The following SYNPR variants were observed in gnomAD, a reference collection of about 807,000 sequenced individuals.
SYNPR encodes the protein synaptoporin.
SYNPR carries 23 observed loss-of-function variants against 32.9 expected under a neutral mutation model. The ratio of observed to expected loss-of-function variants is 0.70; its 90% confidence interval spans 0.50 to 0.99. SYNPR has a LOEUF of 0.99. Ranked by LOEUF, SYNPR falls within the 50% of genes least tolerant of loss-of-function variation. The pLI, the probability that SYNPR is intolerant of heterozygous loss-of-function variation, is 0.00. For synonymous variants in SYNPR, 146 were observed against 135.9 expected, an observed-to-expected ratio of 1.07 and a Z score of -0.52; for missense variants, 318 against 349.3, an observed-to-expected ratio of 0.91 and a Z score of 0.71.
rs1303623160 is a variant in SYNPR at position 63,508,742 on chromosome 3, AC to A, written c.209+27787del. Among the ~76,000 whole-genome samples, 5 of 152,202 alleles carry A rather than the reference AC, an allele frequency of 3.3e-5. No individual in the cohort carries two copies. The East Asian group carries it at 9.7e-4, about 29-fold the overall frequency. ...CATTCTGATTGGTCCAACCTGAACC[AC>A]TAATCAAAAAAGTACAAATTAAAGG... On this transcript the variant is annotated intron_variant, in intron 3 of 5. Transcript: ENST00000478300.
At chr3:63,462,426 T>C (rs904223162) in intron 2 of SYNPR, among the ~76,000 whole-genome samples, 5 of 152,192 alleles carry the variant, frequency 3.3e-5, no homozygotes, top group Non-Finnish European at 7.3e-5. Flanking sequence ...TGAAAAGATG[T>C]TCATTTTTTA....
chr3:63,396,455 C>A (rs2088213959), intron 2 of SYNPR, among the ~76,000 whole-genome samples: 1 of 152,186 alleles, frequency 6.6e-6, no homozygotes, highest in Non-Finnish European at 1.5e-5. Flanking sequence ...CCCAAGACAT[C>A]CTAAATCAGT....
chr3:63,276,324 A>T (rs2086573570), upstream of SYNPR, among the ~76,000 whole-genome samples: 1 of 152,136 alleles, frequency 6.6e-6, no homozygotes, highest in African/African-American at 2.4e-5. Flanking sequence ...GCAGCAGGAC[A>T]TTGCTACAAT....
intron 3 of SYNPR, among the ~76,000 whole-genome samples, chr3:63,543,984 G>A (rs911393819): frequency 5.9e-5 from 9 of 152,058 alleles, no homozygotes; most frequent in African/African-American, 2.2e-4. Context: ...GGTAGCAAAG[G>A]AGTGGCCATG....
At chr3:63,276,620 T>TCCCCCCCCCCCCC (rs11398109), upstream of SYNPR, among the ~76,000 whole-genome samples, 2 of 142,036 alleles carry the variant, frequency 1.4e-5, no homozygotes, top group Admixed American at 7.3e-5. Context: ...TAGTGTTAGT[T>TCCCCCCCCCCCCC]CCCCCCACCC....
chr3:63,441,974 G>T, intron 2 of SYNPR, among the ~76,000 whole-genome samples: 1 of 152,282 alleles, frequency 6.6e-6, no homozygotes, highest in South Asian at 2.1e-4. Context: ...AGGCTCAGGC[G>T]CAGGCCACAT....
chr3:63,385,973 A>C (rs886550155), intron 2 of SYNPR, among the ~76,000 whole-genome samples: 1 of 152,216 alleles, frequency 6.6e-6, no homozygotes, highest in Admixed American at 6.5e-5. Flanking sequence ...ACCTTGCTAG[A>C]AAAGTGTTGA....
intron 3 of SYNPR, among the ~76,000 whole-genome samples, chr3:63,531,613 A>C (rs1003836930): frequency 6.6e-6 from 1 of 152,220 alleles, no homozygotes; most frequent in African/African-American, 2.4e-5. Context: ...CTAGACTTCA[A>C]CAAAAGCTTT....
At chr3:63,241,578 GAATA>G (rs935656729) in intron 1 of SYNPR, among the ~76,000 whole-genome samples, 5 of 151,946 alleles carry the variant, frequency 3.3e-5, no homozygotes, top group African/African-American at 1.2e-4. Flanking sequence ...GAGACCTAAA[GAATA>G]AATAAACTAT....
chr3:63,448,308 A>T (rs1001222654), intron 2 of SYNPR, among the ~76,000 whole-genome samples: 2 of 152,198 alleles, frequency 1.3e-5, no homozygotes, highest in Non-Finnish European at 2.9e-5. Flanking sequence ...CCAACCTTAC[A>T]CAATCTTTAA....
intron 1 of SYNPR, among the ~76,000 whole-genome samples, chr3:63,230,971 C>G (rs1489528818): frequency 6.6e-6 from 1 of 152,050 alleles, no homozygotes; most frequent in Non-Finnish European, 1.5e-5. Context: ...ATAGTTTCCC[C>G]TTAAAAAGAG....
intron 2 of SYNPR, among the ~76,000 whole-genome samples, chr3:63,339,656 T>C (rs936514938): frequency 6.8e-6 from 1 of 147,958 alleles, no homozygotes; most frequent in Non-Finnish European, 1.5e-5. Flanking sequence ...AAAAATTCCT[T>C]GTGTTCTTTT....
At chr3:63,595,869 A>G (rs1421060454) in intron 4 of SYNPR, among the ~76,000 whole-genome samples, 1 of 94,666 alleles carries the variant, frequency 1.1e-5, no homozygotes, top group Non-Finnish European at 2.1e-5. Flanking sequence ...AGTTATATAT[A>G]TATAATTTTA....
chr3:63,205,408 AC>A, the SYNPR span, among the ~76,000 whole-genome samples: 1 of 152,182 alleles, frequency 6.6e-6, no homozygotes, highest in African/African-American at 2.4e-5. Context: ...CACCAATTCT[AC>A]CTTTTCATGT....
chr3:63,341,144 G>A (rs2087364360), intron 2 of SYNPR, among the ~76,000 whole-genome samples: 1 of 152,148 alleles, frequency 6.6e-6, no homozygotes, highest in Admixed American at 6.5e-5. Flanking sequence ...ACAGTTTGCA[G>A]CCTTTACAGA....
intron 2 of SYNPR, among the ~76,000 whole-genome samples, chr3:63,382,212 G>C (rs1031320250): frequency 6.6e-6 from 1 of 152,204 alleles, no homozygotes; most frequent in Non-Finnish European, 1.5e-5. Flanking sequence ...TGCTGAGTGT[G>C]GATGGAAATC....
intron 2 of SYNPR, among the ~76,000 whole-genome samples, chr3:63,446,184 T>A (rs1328353963): frequency 6.6e-6 from 1 of 152,128 alleles, no homozygotes; most frequent in Non-Finnish European, 1.5e-5. Context: ...AGGCAGCTGG[T>A]TCGTCATTGG....
At chr3:63,336,103 C>G (rs2087290861) in intron 2 of SYNPR, among the ~76,000 whole-genome samples, 1 of 151,928 alleles carries the variant, frequency 6.6e-6, no homozygotes, top group African/African-American at 2.4e-5. Flanking sequence ...AAATGTCTGA[C>G]CATTCGAATG....
chr3:63,319,199 T>C (rs189926845), intron 2 of SYNPR, among the ~76,000 whole-genome samples: 1 of 152,158 alleles, frequency 6.6e-6, no homozygotes, highest in East Asian at 1.9e-4. Context: ...CTCCAATGTA[T>C]GTTTTTGGTA....
Sources: gnomAD v4.1 joint callset for allele counts (sites outside exome capture counted in the v4.1 genomes callset) on GRCh38, gnomAD v4.1.1 for gene constraint, MANE v1.5 for transcripts, NCBI Gene and HGNC (gene_info 2026-07-23, HGNC 2026-07-21) for gene names.